The following RHOT2 variants were observed in gnomAD, a reference collection of about 807,000 sequenced individuals.
The protein encoded by RHOT2 is mitochondrial Rho GTPase 2.
In RHOT2, 90 loss-of-function variants were observed where a neutral mutation model predicts 81.6. The observed-to-expected ratio is 1.10, with a 90% CI of 0.93 to 1.31. The LOEUF is 1.31. RHOT2 is among the 40% of genes most tolerant of loss of function. RHOT2 has a pLI of 0.00. For missense variants in RHOT2, 1,014 were observed against 841.9 expected, an observed-to-expected ratio of 1.20 and a Z score of -2.53; for synonymous variants, 512 against 370.9, an observed-to-expected ratio of 1.38 and a Z score of -4.37.
In RHOT2 at chr16:672,715, G is replaced by A; in HGVS notation, c.1417G>A (p.Gly473Ser). The change falls in exon 17 of 19, where the codon GGC becomes AGC. Residue 473 changes from glycine to serine, a missense_variant. Gly to Ser is a moderately conservative substitution (Grantham distance 56, BLOSUM62 0). Coordinates refer to ENST00000315082, the MANE Select transcript of RHOT2 (RefSeq NM_138769.3). ...QEKYLILCEV[G>S]TDGLLATSLD... ...CTGTCTGTCCCAGCTCTGTGAGGTGGGCACAGATGGTCTGCTGGCCACATC... is the reference window on the plus strand; with the variant it reads ...CTGTCTGTCCCAGCTCTGTGAGGTGAGCACAGATGGTCTGCTGGCCACATC... 5 of 1,612,316 alleles carry A rather than the reference G, an allele frequency of 3.1e-6. No homozygotes were observed. Among genetic ancestry groups the A allele is most frequent in the Non-Finnish European group, 4.2e-6 (5 of 1,179,968 alleles).
chr16:672,009 G>A lies in RHOT2; in HGVS notation c.1097+7G>A, dbSNP rs762924362. On this transcript the variant is annotated splice_region_variant and intron_variant, in intron 13 of 18. Coordinates refer to ENST00000315082, the MANE Select transcript of RHOT2 (RefSeq NM_138769.3). ...GATACCTCTGCCAGTGGACGTAAGT[G>A]CGGCCCACACCATGCCCGCCTGCCG... The A allele has an allele frequency of 6.2e-7, 1 of 1,611,744 alleles. No homozygotes were observed. The highest frequency in any genetic ancestry group is 8.5e-7 in the Non-Finnish European group (1 of 1,179,540).
At chr16:670,628 C>T (rs2151465728) in intron 8 of RHOT2, 47 bp from the exon 9 acceptor site, 3 of 1,602,794 alleles carry the variant, frequency 1.9e-6, no homozygotes, top group Non-Finnish European at 2.6e-6. Context: ...GGCGGTGTGG[C>T]AGGTCGGCGT....
At position 672,350 on chromosome 16, in the gene RHOT2, C is replaced by A; in HGVS notation, c.1292C>A (p.Ala431Asp). 1 of 1,611,680 alleles carries A rather than the reference C, an allele frequency of 6.2e-7. No homozygotes were observed. The highest frequency in any genetic ancestry group is 8.5e-7 in the Non-Finnish European group (1 of 1,179,310). Residue 431 changes from alanine to aspartate, a missense_variant, in exon 15 of 19, where the codon GCC (alanine) becomes GAC (aspartate). Physicochemically the swap from Ala to Asp is moderately radical, Grantham distance 126. Coordinates refer to ENST00000315082, the MANE Select transcript of RHOT2 (RefSeq NM_138769.3). The part of the protein sequence containing the change: ...VVGARGVGKS[A>D]FLQAFLGRGL... ...GGGGCCCGTGGAGTGGGCAAGTCTGCCTTCCTGCAGGCCTTTCTCGGCCGC... is the reference window on the plus strand; with the variant it reads ...GGGGCCCGTGGAGTGGGCAAGTCTGACTTCCTGCAGGCCTTTCTCGGCCGC...
Position 673,059 on chromosome 16 carries a change from G to A in RHOT2, c.1659G>A (p.Pro553=), listed in dbSNP as rs757394296. 138 of 1,611,690 alleles carry A rather than the reference G, an allele frequency of 8.6e-5. No homozygotes were observed. Among genetic ancestry groups the A allele is most frequent in the Non-Finnish European group, 1.1e-4 (130 of 1,179,944 alleles). Residue 553 remains proline, a synonymous_variant, in exon 18 of 19, where the codon CCG becomes CCA. Coordinates refer to ENST00000315082, the MANE Select transcript of RHOT2 (RefSeq NM_138769.3). ...CRKHRLPAPV[P]FSCAGPAEPS... ...AGCACCGGCTACCCGCTCCCGTGCC[G>A]TTCTCCTGTGCTGGCCCAGCCGAGC...
intron 4 of RHOT2, 165 bp downstream of exon 4, chr16:668,864 G>C: frequency 1.5e-6 from 1 of 655,394 alleles, no homozygotes. Context: ...ACCCCGCTGG[G>C]AGCCGGCACC....
At position 668,345 on chromosome 16, in the gene RHOT2, C is replaced by A; in HGVS notation, c.38-8C>A. On this transcript the variant is annotated splice_region_variant and splice_polypyrimidine_tract_variant and intron_variant, in intron 1 of 18. Coordinates refer to ENST00000315082, the MANE Select transcript of RHOT2 (RefSeq NM_138769.3). ...TGGCCCTCGCGCTGACCGCCTCGCC[C>A]CGCGCAGCCCAGGTGGGGAAGACGT... The A allele has an allele frequency of 3.6e-6, 5 of 1,396,326 alleles. No homozygotes were observed. The highest frequency in any genetic ancestry group is 4.6e-6 in the Non-Finnish European group (5 of 1,082,128). The allele number at this position is 1,396,326 out of a possible 1,614,324, so 86.5% of individuals were successfully genotyped here.
In RHOT2 at chr16:673,509, C is replaced by G; in HGVS notation, c.1760C>G (p.Ser587Cys). The G allele has an allele frequency of 6.2e-7, 1 of 1,612,710 alleles. No homozygotes were observed. Among genetic ancestry groups the G allele is most frequent in the Non-Finnish European group, 8.5e-7 (1 of 1,179,930 alleles). The change falls in exon 19 of 19, where the codon TCT (serine) becomes TGT (cysteine). Residue 587 changes from serine to cysteine, a missense_variant. Coordinates refer to ENST00000315082, the MANE Select transcript of RHOT2 (RefSeq NM_138769.3). ...PHLVHAELHPSSFWLRGLLGV... is the reference protein window; with the variant it reads ...PHLVHAELHPCSFWLRGLLGV... Reference sequence around the variant, plus strand: ...TTGGTCCACGCAGAGCTGCATCCCTCTTCCTTCTGGCTCCGGGGGCTGCTG... The same window carrying G: ...TTGGTCCACGCAGAGCTGCATCCCTGTTCCTTCTGGCTCCGGGGGCTGCTG...
At chr16:669,667 A>G (rs1232979332) in intron 5 of RHOT2, 61 bp downstream of exon 5, 3 of 1,547,430 alleles carry the variant, frequency 1.9e-6, no homozygotes, top group Admixed American at 1.7e-5. Context: ...GCCCAGGTGG[A>G]CCTTCACCCA....
At chr16:668,724 G>A (rs1312737026) in intron 4 of RHOT2, 25 bp downstream of exon 4, 40 of 1,577,088 alleles carry the variant, frequency 2.5e-5, no homozygotes, top group Non-Finnish European at 3.3e-5. Context: ...CGGGACGAGG[G>A]AGGGGCTGGG....
At chr16:668,305 G>C in intron 1 of RHOT2, 48 bp from the exon 2 acceptor site, 7 of 1,235,552 alleles carry the variant, frequency 5.7e-6, no homozygotes, top group South Asian at 3.3e-5. Flanking sequence ...CGGGGGTCGG[G>C]GGGCGCCGTG....
chr16:668,888 G>GC, intron 4 of RHOT2, 189 bp downstream of exon 4: 1 of 573,418 alleles, frequency 1.7e-6, no homozygotes, highest in African/African-American at 2.0e-5. Context: ...CAGTCCAGTG[G>GC]TGCTCCAGGG....
intron 11 of RHOT2, chr16:671,413 TG>T (rs928098981): frequency 1.4e-4 from 30 of 207,264 alleles, no homozygotes; most frequent in South Asian, 1.9e-4. Context: ...AGTCGGGGGG[TG>T]GGGGGGCTGG....
Position 673,709 on chromosome 16 carries a change from G to T in RHOT2, c.*103G>T. On this transcript the variant is annotated 3_prime_UTR_variant, in exon 19 of 19. Transcript: ENST00000315082. Reference sequence around the variant, plus strand: ...GGTGCAGGCCAGGCTGCCACTCCGGGAACGCCTTTGCGCCGGGACTTTTTG... The same window carrying T: ...GGTGCAGGCCAGGCTGCCACTCCGGTAACGCCTTTGCGCCGGGACTTTTTG... 7.0e-7 allele frequency: 1 copy of T among 1,427,610 alleles called. No individual in the cohort carries two copies. Among genetic ancestry groups the T allele is most frequent in the Non-Finnish European group, 9.5e-7 (1 of 1,055,508 alleles). The allele number at this position is 1,427,610 out of a possible 1,614,324, so 88.4% of individuals were successfully genotyped here.
chr16:669,826 C>G (rs950217853), intron 5 of RHOT2: 8 of 617,246 alleles, frequency 1.3e-5, no homozygotes, highest in African/African-American at 7.9e-5. Context: ...GCCGGCAGTC[C>G]TCTTTCTTCC....
intron 4 of RHOT2, chr16:669,020 G>C (rs1242730826): frequency 1.8e-5 from 8 of 455,032 alleles, no homozygotes; most frequent in Non-Finnish European, 2.7e-5. Flanking sequence ...CCACCGTCCC[G>C]GCCTCCGGGC....
In RHOT2 at chr16:671,205, T is replaced by C. The variant is rs1400727348; in HGVS notation, c.869+2T>C. 1.3e-6 allele frequency: 2 copies of C among 1,543,064 alleles called. No homozygotes were observed. The highest frequency in any genetic ancestry group is 2.8e-5 in the African/African-American group (2 of 72,686). Reference sequence around the variant, plus strand: ...GACTGCGGACTATCTCTCCCCTCTGTGAGTGATGCCGGGGCTTGAGGCCTG... The same window carrying C: ...GACTGCGGACTATCTCTCCCCTCTGCGAGTGATGCCGGGGCTTGAGGCCTG... On this transcript the variant is annotated splice_donor_variant, in intron 11 of 18. Coordinates refer to ENST00000315082, the MANE Select transcript of RHOT2 (RefSeq NM_138769.3). LOFTEE classifies it high-confidence loss of function.
intron 11 of RHOT2, 151 bp downstream of exon 11, chr16:671,354 T>C: frequency 9.6e-7 from 1 of 1,038,776 alleles, no homozygotes; most frequent in Non-Finnish European, 1.3e-6. Flanking sequence ...TCTGGGGTCG[T>C]GCCCTTGCCT....
At chr16:673,438 C>T (rs775371303) in intron 18 of RHOT2, 42 bp from the exon 19 acceptor site, 4 of 1,611,676 alleles carry the variant, frequency 2.5e-6, no homozygotes, top group Middle Eastern at 1.7e-4. Context: ...AAGCTGGGGG[C>T]ATGTGCCTGA....
chr16:670,826 T>C, intron 9 of RHOT2, 53 bp downstream of exon 9: 1 of 1,601,666 alleles, frequency 6.2e-7, no homozygotes, highest in South Asian at 1.1e-5. Context: ...TCCGCTGCCG[T>C]TAGTGACTGG....
Sources: gnomAD v4.1 joint callset for allele counts on GRCh38, gnomAD v4.1.1 for gene constraint, MANE v1.5 for transcripts, NCBI Gene and HGNC (gene_info 2026-07-23, HGNC 2026-07-21) for gene names.